The following ERICH5 variants were observed in gnomAD, a reference collection of about 807,000 sequenced individuals.
The protein encoded by ERICH5 is glutamate-rich protein 5.
ERICH5 carries 24 observed loss-of-function variants against 28.0 expected under a neutral mutation model. The observed-to-expected ratio is 0.86, with a 90% confidence interval of 0.62 to 1.21. ERICH5 has a LOEUF of 1.21. Among genes scored for constraint, ERICH5 ranks in the 50% most tolerant of loss-of-function variants. The pLI, the probability that ERICH5 is intolerant of heterozygous loss-of-function variation, is 0.00. For missense variants in ERICH5, 421 were observed against 441.2 expected, an observed-to-expected ratio of 0.95 and a Z score of 0.41; for synonymous variants, 163 against 157.6, an observed-to-expected ratio of 1.03 and a Z score of -0.25.
At chr8:98,082,562 T>C (rs1563756294) in intron 1 of ERICH5, among the ~76,000 whole-genome samples, 1 of 151,746 alleles carries the variant, frequency 6.6e-6, no homozygotes, top group Non-Finnish European at 1.5e-5. Context: ...GGGGACTCGC[T>C]TGAACCTGGG....
In ERICH5 at chr8:98,078,295, A is replaced by C. The variant is rs79774344; in HGVS notation, c.59-10781A>C. ...AATTAAGGCAAAAGCAAAGTAAGAA[A>C]ATGAGAAGGAAGATGAGTGGACTAC... On this transcript the variant is annotated intron_variant, in intron 1 of 2. Coordinates refer to ENST00000318528, the MANE Select transcript of ERICH5 (RefSeq NM_173549.3). Among the ~76,000 whole-genome samples, 226 of 152,316 alleles carry C rather than the reference A, an allele frequency of 1.5e-3. 2 individuals carry two copies. Among genetic ancestry groups the C allele is most frequent in the African/African-American group, 5.1e-3 (213 of 41,564 alleles).
At chr8:98,091,928 T>TC (rs1815410517) in intron 2 of ERICH5, among the ~76,000 whole-genome samples, 2 of 68,798 alleles carry the variant, frequency 2.9e-5, no homozygotes, top group African/African-American at 1.1e-4. Flanking sequence ...TTCCTTTCTT[T>TC]CTTTCTTCCT....
intron 1 of ERICH5, among the ~76,000 whole-genome samples, chr8:98,081,850 C>T (rs1487599077): frequency 6.6e-6 from 1 of 151,898 alleles, no homozygotes; most frequent in African/African-American, 2.4e-5. Flanking sequence ...ATTGCTTGTA[C>T]CCAGGAGGCG....
chr8:98,092,633 CA>C (rs1815427731), intron 2 of ERICH5, among the ~76,000 whole-genome samples: 1 of 152,126 alleles, frequency 6.6e-6, no homozygotes, highest in East Asian at 1.9e-4. Flanking sequence ...TCTGTTCTAC[CA>C]CCATTTCTTT....
chr8:98,065,726 A>G (rs1488640594), intron 1 of ERICH5, among the ~76,000 whole-genome samples: 1 of 152,256 alleles, frequency 6.6e-6, no homozygotes, highest in Non-Finnish European at 1.5e-5. Context: ...GAGGTTAAGC[A>G]AACTCCGTCA....
chr8:98,070,743 T>TA (rs1814902302), intron 1 of ERICH5, among the ~76,000 whole-genome samples: 1 of 149,066 alleles, frequency 6.7e-6, no homozygotes, highest in Admixed American at 6.7e-5. Flanking sequence ...CAATAACTGT[T>TA]GAGTAGATGG....
At chr8:98,066,457 A>G (rs1040834593) in intron 1 of ERICH5, among the ~76,000 whole-genome samples, 2 of 152,232 alleles carry the variant, frequency 1.3e-5, no homozygotes, top group African/African-American at 2.4e-5. Context: ...GGGCAAAAGT[A>G]TTCAGTAGGT....
chr8:98,079,313 G>A (rs1815128837), intron 1 of ERICH5, among the ~76,000 whole-genome samples: 1 of 151,076 alleles, frequency 6.6e-6, no homozygotes. Flanking sequence ...AGGGACTACA[G>A]GTGCATGCCA....
Position 98,089,661 on chromosome 8 carries a change from C to T in ERICH5, c.644C>T (p.Ala215Val), listed in dbSNP as rs769493833. The T allele has an allele frequency of 1.7e-5, 27 of 1,613,966 alleles. 1 individual carries two copies. Among genetic ancestry groups the T allele is most frequent in the Admixed American group, 1.2e-4 (7 of 59,990 alleles). Residue 215 changes from alanine to valine, a missense_variant, in exon 2 of 3, where the codon GCC (alanine) becomes GTC (valine). Ala to Val is a moderately conservative substitution (Grantham distance 64). Transcript: ENST00000318528. ...GGCACAGTGGGAAAGGATGAGCAGG[C>T]CCCGCTTCTAGAAACAATTTCCAAA... ...PQGTVGKDEQAPLLETISKEN... is the reference protein window; with the variant it reads ...PQGTVGKDEQVPLLETISKEN...
At chr8:98,091,901 C>T (rs201941174) in intron 2 of ERICH5, among the ~76,000 whole-genome samples, 176 of 7,956 alleles carry the variant, frequency 0.022, no homozygotes, top group African/African-American at 0.04. Flanking sequence ...TCTTTCTTTC[C>T]TTTCTTTCTT....
chr8:98,090,072 A>G, intron 2 of ERICH5, 43 bp downstream of exon 2: 1 of 1,424,020 alleles, frequency 7.0e-7, no homozygotes, highest in Non-Finnish European at 9.7e-7. Flanking sequence ...GATGTGCTCC[A>G]TAGGAGACCA....
chr8:98,074,568 T>C (rs1464449285), intron 1 of ERICH5, among the ~76,000 whole-genome samples: 1 of 151,984 alleles, frequency 6.6e-6, no homozygotes, highest in Non-Finnish European at 1.5e-5. Context: ...CCAGCTAATA[T>C]TTTTATTTTT....
At chr8:98,070,710 GAAAGA>G (rs1428472549) in intron 1 of ERICH5, among the ~76,000 whole-genome samples, 2 of 134,260 alleles carry the variant, frequency 1.5e-5, no homozygotes, top group African/African-American at 5.4e-5. Flanking sequence ...AAAAGAGAAT[GAAAGA>G]AAAGAAAAAA....
At chr8:98,068,906 G>A (rs764280333) in intron 1 of ERICH5, among the ~76,000 whole-genome samples, 13 of 152,078 alleles carry the variant, frequency 8.5e-5, no homozygotes, top group South Asian at 2.1e-4. Flanking sequence ...CTGTCCATGC[G>A]GCCTAGGCAA....
intron 1 of ERICH5, among the ~76,000 whole-genome samples, 154 bp downstream of exon 1, chr8:98,064,881 A>G (rs1456625892): frequency 6.6e-6 from 1 of 152,166 alleles, no homozygotes; most frequent in Non-Finnish European, 1.5e-5. Context: ...ACAAAGCGCG[A>G]TTTCCTTCCA....
chr8:98,071,794 C>G (rs774928774), intron 1 of ERICH5, among the ~76,000 whole-genome samples: 1 of 152,102 alleles, frequency 6.6e-6, no homozygotes, highest in Admixed American at 6.5e-5. Context: ...GAATTGCCTT[C>G]GGGCTCTCAA....
At chr8:98,087,344 G>A (rs1285713604) in intron 1 of ERICH5, among the ~76,000 whole-genome samples, 1 of 152,074 alleles carries the variant, frequency 6.6e-6, no homozygotes, top group Non-Finnish European at 1.5e-5. Context: ...GTAAATGGGA[G>A]AGGAGACCCG....
At chr8:98,075,999 CACATTGG>C (rs1815046141) in intron 1 of ERICH5, among the ~76,000 whole-genome samples, 2 of 151,926 alleles carry the variant, frequency 1.3e-5, no homozygotes, top group African/African-American at 4.8e-5. Flanking sequence ...GCAGCCACAT[CACATTGG>C]TGAGGTGGGT....
At chr8:98,073,804 A>C (rs531823678) in intron 1 of ERICH5, among the ~76,000 whole-genome samples, 4 of 151,118 alleles carry the variant, frequency 2.6e-5, no homozygotes, top group Non-Finnish European at 5.9e-5. Context: ...CGGCCTCCCA[A>C]AGTGTTGGGA....
Sources: allele counts gnomAD v4.1 joint callset (sites outside exome capture counted in the v4.1 genomes callset), GRCh38; gene constraint gnomAD v4.1.1; transcripts MANE v1.5; gene names NCBI Gene and HGNC (gene_info 2026-07-23, HGNC 2026-07-21).